Variants in SPTAN1 observed in about 807,000 individuals in gnomAD.
SPTAN1 encodes the protein spectrin alpha chain, non-erythrocytic 1.
A neutral mutation model predicts 331.3 loss-of-function variants in SPTAN1; 61 were observed. The ratio of observed to expected loss-of-function variants is 0.18; its 90% CI spans 0.15 to 0.23. SPTAN1 has a LOEUF of 0.23. Among genes scored for constraint, SPTAN1 ranks in the 10% least tolerant of loss-of-function variants. SPTAN1 has a pLI of 1.00. For missense variants in SPTAN1, 2,043 were observed against 3,147.9 expected, an observed-to-expected ratio of 0.65 and a Z score of 8.40; for synonymous variants, 1,153 against 1,173.9, an observed-to-expected ratio of 0.98 and a Z score of 0.36.
intron 52 of SPTAN1, among the ~76,000 whole-genome samples, chr9:128,630,946 T>C (rs1194406774): frequency 6.6e-6 from 1 of 152,050 alleles, no homozygotes; most frequent in Admixed American, 6.5e-5. Flanking sequence ...TGACCTCGGC[T>C]GATCTGCCCG....
At chr9:128,588,732 A>G in intron 20 of SPTAN1, 77 bp from the exon 21 acceptor site, 4 of 1,597,654 alleles carry the variant, frequency 2.5e-6, no homozygotes, top group Non-Finnish European at 3.4e-6. Flanking sequence ...AGCTGGTGGC[A>G]TTTGAATCTG....
intron 19 of SPTAN1, among the ~76,000 whole-genome samples, chr9:128,586,989 T>C (rs141551809): frequency 2.9e-4 from 44 of 152,114 alleles, no homozygotes; most frequent in African/African-American, 9.6e-4. Context: ...AGCTAACTTT[T>C]TTTGTATTTT....
chr9:128,607,988 C>G lies in SPTAN1; in HGVS notation c.4283C>G (p.Ala1428Gly), dbSNP rs143166100. The G allele has an allele frequency of 8.1e-4, 1,314 of 1,614,122 alleles. 1 individual carries two copies. Among genetic ancestry groups the G allele is most frequent in the Non-Finnish European group, 1.0e-3 (1,231 of 1,180,022 alleles). The change falls in exon 33 of 57, where the codon GCA becomes GGA. Residue 1428 changes from alanine to glycine, a missense_variant. Ala to Gly is a moderately conservative substitution (Grantham distance 60). Transcript: ENST00000372739. Reference sequence around the variant, plus strand: ...CTTGATATTCTTGACCAGGAGCGTGCAGACCTGGAGAAGGCCTGGGTTCAG... The same window carrying G: ...CTTGATATTCTTGACCAGGAGCGTGGAGACCTGGAGAAGGCCTGGGTTCAG... Reference protein sequence around the residue: ...QKLDILDQERADLEKAWVQRR... With the variant: ...QKLDILDQERGDLEKAWVQRR...
chr9:128,627,683 T>G lies in SPTAN1; in HGVS notation c.6689+185T>G. 1 of 780,814 alleles carries G rather than the reference T, an allele frequency of 1.3e-6. No homozygotes were observed. Among genetic ancestry groups the G allele is most frequent in the South Asian group, 1.5e-5 (1 of 66,272 alleles). The allele number at this position is 780,814 out of a possible 1,614,324, so 48.4% of individuals were successfully genotyped here. A position where few individuals can be genotyped will look rare whatever the true frequency, so the allele number is the denominator to read the frequency against. On this transcript the variant is annotated intron_variant, in intron 50 of 56. Transcript: ENST00000372739. The surrounding 1 kb of genome is among the most constrained non-coding windows in gnomAD (Gnocchi z 4.9). ...GAGTGGGGGCATAGGTGGAGCAGCC[T>G]CTCAGTGCTGCATGTCCCAGACATC...
chr9:128,594,457 G>GTTTTT, intron 24 of SPTAN1, 84 bp downstream of exon 24: 1 of 947,620 alleles, frequency 1.1e-6, no homozygotes. Flanking sequence ...TTTTGAGATG[G>GTTTTT]ATTCTCACTG....
At chr9:128,582,397 C>T (rs1375518655) in intron 12 of SPTAN1, 82 bp from the exon 13 acceptor site, 10 of 1,189,480 alleles carry the variant, frequency 8.4e-6, no homozygotes, top group African/African-American at 1.5e-5. Flanking sequence ...GTTTTATGAT[C>T]TGTTCAGCAG....
chr9:128,587,626 A>G lies in SPTAN1; in HGVS notation c.2799A>G (p.Glu933=), dbSNP rs1368341471. ...TTCAGGCTCTACTGAAGAAACACGA[A>G]GCTTTGATGTCAGATCTCAGTGCCT... ...DSAEALLKKH[E]ALMSDLSAYG... Residue 933 remains glutamate (E), a synonymous_variant, in exon 20 of 57, where the codon GAA becomes GAG. Coordinates refer to ENST00000372739, the MANE Select transcript of SPTAN1 (RefSeq NM_001130438.3). 8 of 1,613,792 alleles carry G rather than the reference A, an allele frequency of 5.0e-6. No homozygotes were observed. In the Admixed American group the frequency reaches 8.3e-5, roughly 17 times the overall value.
chr9:128,598,253 G>A (rs1854581328), intron 24 of SPTAN1, 147 bp from the exon 25 acceptor site: 3 of 674,208 alleles, frequency 4.4e-6, no homozygotes, highest in South Asian at 3.4e-5. Flanking sequence ...CCCAGCCATA[G>A]CTTATTTTTT....
At position 128,561,994 on chromosome 9, in the gene SPTAN1, G is replaced by C. The variant is rs560411565; in HGVS notation, c.-3-4744G>C. 5.3e-5 allele frequency among the ~76,000 whole-genome samples: 8 copies of C among 152,240 alleles called. No homozygotes were observed. In the East Asian group the frequency reaches 1.5e-3, roughly 29 times the overall value. On this transcript the variant is annotated intron_variant, in intron 1 of 56. Transcript: ENST00000372739. ...GTAGGGAGAACACAATAATTTCATG[G>C]CAGAATGTGGCAGTGTTATAAGATG...
At chr9:128,554,439 A>G (rs1848435566) in intron 1 of SPTAN1, among the ~76,000 whole-genome samples, 2 of 152,186 alleles carry the variant, frequency 1.3e-5, no homozygotes, top group Non-Finnish European at 2.9e-5. Flanking sequence ...TGTTTTAAGT[A>G]TGTCTTTTGG....
chr9:128,609,592 C>T, intron 36 of SPTAN1, 59 bp from the exon 37 acceptor site: 1 of 1,389,718 alleles, frequency 7.2e-7, no homozygotes, highest in East Asian at 2.5e-5. Context: ...TATTTAATAG[C>T]TGATATGTGT....
chr9:128,633,202 C>T lies in SPTAN1; in HGVS notation c.7309-7C>T, dbSNP rs866813546. On this transcript the variant is annotated splice_polypyrimidine_tract_variant and splice_region_variant and intron_variant, in intron 56 of 56. Coordinates refer to ENST00000372739, the MANE Select transcript of SPTAN1 (RefSeq NM_001130438.3). Reference sequence around the variant, plus strand: ...TCAGGCACCAGGTGCCATCTCTTACCCCACAGAACCTGACCCGGGAACAAG... The same window carrying T: ...TCAGGCACCAGGTGCCATCTCTTACTCCACAGAACCTGACCCGGGAACAAG... 6.8e-6 allele frequency: 11 copies of T among 1,613,872 alleles called. No individual in the cohort carries two copies. The highest frequency in any genetic ancestry group is 9.3e-6 in the Non-Finnish European group (11 of 1,180,022).
intron 52 of SPTAN1, among the ~76,000 whole-genome samples, chr9:128,631,058 C>G (rs564238649): frequency 1.3e-5 from 2 of 152,058 alleles, no homozygotes; most frequent in South Asian, 4.1e-4. Flanking sequence ...TTGGCCAGGC[C>G]GGTCTGGAAC....
chr9:128,579,644 T>C lies in SPTAN1; in HGVS notation c.1229T>C (p.Ile410Thr). 6.2e-7 allele frequency: 1 copy of C among 1,613,924 alleles called. No homozygotes were observed. Among genetic ancestry groups the C allele is most frequent in the Non-Finnish European group, 8.5e-7 (1 of 1,179,868 alleles). Residue 410 changes from isoleucine to threonine, a missense_variant, in exon 10 of 57, where the codon ATT (isoleucine) becomes ACT (threonine). Ile to Thr is a moderately conservative substitution (Grantham distance 89). This residue lies in a region of SPTAN1 where 1,038 missense variants were observed against 1,531.5 expected (regional missense o/e 0.68). Coordinates refer to ENST00000372739, the MANE Select transcript of SPTAN1 (RefSeq NM_001130438.3). ...TGTTTTTTTCTCCTGTAGGGTGAAA[T>C]TGATGCCCATGAAGACAGCTTCAAA... ...LDRHQEHKGE[I>T]DAHEDSFKSA...
chr9:128,603,405 C>T, intron 27 of SPTAN1, 138 bp from the exon 28 acceptor site: 4 of 890,610 alleles, frequency 4.5e-6, no homozygotes, highest in Non-Finnish European at 7.6e-6. Context: ...GTACTGATGT[C>T]TCTGTTAAGA....
Position 128,568,006 on chromosome 9 carries a change from C to G in SPTAN1, c.238-766C>G, listed in dbSNP as rs1217635937. 5.3e-5 allele frequency among the ~76,000 whole-genome samples: 8 copies of G among 152,254 alleles called. No individual in the cohort carries two copies. The East Asian group carries it at 1.5e-3, about 29-fold the overall frequency. The stretch of plus-strand genomic sequence containing the variant: ...CGAACTCCTGACCTCAGGTGATCTG[C>G]CTGCCTCAGCCTCCCAAAGTGCTGG... On this transcript the variant is annotated intron_variant, in intron 2 of 56. Transcript: ENST00000372739.
intron 31 of SPTAN1, among the ~76,000 whole-genome samples, chr9:128,607,087 G>C (rs1161342089): frequency 6.6e-6 from 1 of 152,174 alleles, no homozygotes; most frequent in Non-Finnish European, 1.5e-5. Context: ...TGCCCTTGTG[G>C]TTGTACAGCT....
chr9:128,584,674 C>T (rs1852349904), intron 17 of SPTAN1, 47 bp from the exon 18 acceptor site: 3 of 1,614,164 alleles, frequency 1.9e-6, no homozygotes, highest in South Asian at 2.2e-5. Context: ...TCAGTGCTGA[C>T]TTTTCTCTTC....
chr9:128,611,654 C>T (rs953397267), intron 37 of SPTAN1, 60 bp from the exon 38 acceptor site: 2 of 1,603,832 alleles, frequency 1.2e-6, no homozygotes, highest in Non-Finnish European at 1.7e-6. Context: ...AACCCCTTCC[C>T]CCTGAAAAGA....
Sources: gnomAD v4.1 joint callset for allele counts (sites outside exome capture counted in the v4.1 genomes callset) on GRCh38, gnomAD v4.1.1 for gene constraint, gnomAD v4.1.1 regional missense constraint, Gnocchi (gnomAD v3.1) non-coding constraint, MANE v1.5 for transcripts, NCBI Gene and HGNC (gene_info 2026-07-23, HGNC 2026-07-21) for gene names.